TMEM266: variants seen among roughly 807,000 people sequenced by gnomAD.
The protein encoded by TMEM266 is Hv1 related protein 1.
TMEM266 carries 33 observed loss-of-function variants against 50.5 expected under a neutral mutation model. The observed-to-expected ratio is 0.65, with a 90% CI of 0.50 to 0.87. The LOEUF is 0.87. TMEM266 is among the 40% of genes least tolerant of loss of function. TMEM266 has a pLI of 0.00. For missense variants in TMEM266, 655 were observed against 695.1 expected (o/e 0.94, Z 0.65); for synonymous variants, 310 against 292.3 (o/e 1.06, Z -0.62).
intron 1 of TMEM266, among the ~76,000 whole-genome samples, chr15:76,115,083 C>A (rs957665620): frequency 1.3e-5 from 2 of 152,114 alleles, no homozygotes; most frequent in African/African-American, 2.4e-5. Context: ...CCAGCCTGGG[C>A]AACATAGTGA....
At chr15:76,169,522 A>G (rs1253587485) in intron 5 of TMEM266, among the ~76,000 whole-genome samples, 1 of 152,162 alleles carries the variant, frequency 6.6e-6, no homozygotes, top group Non-Finnish European at 1.5e-5. Flanking sequence ...TGTATTCTGT[A>G]TGTACAGGGA....
At chr15:76,177,470 G>A (rs2038304684) in intron 8 of TMEM266, among the ~76,000 whole-genome samples, 1 of 152,264 alleles carries the variant, frequency 6.6e-6, no homozygotes, top group Admixed American at 6.5e-5. Flanking sequence ...TGTCCCCACA[G>A]GAACACGCAC....
At chr15:76,089,214 A>C (rs1346176288) in intron 1 of TMEM266, among the ~76,000 whole-genome samples, 1 of 150,866 alleles carries the variant, frequency 6.6e-6, no homozygotes, top group African/African-American at 2.4e-5. Flanking sequence ...ATTTATTTAG[A>C]GATGGAGTCT....
intron 3 of TMEM266, among the ~76,000 whole-genome samples, chr15:76,142,788 C>A (rs1400627277): frequency 1.3e-5 from 2 of 152,178 alleles, no homozygotes; most frequent in Non-Finnish European, 2.9e-5. Context: ...TAGCAGAGCC[C>A]AAACGGCAGA....
At chr15:76,115,908 TGTGAGGCA>T (rs959913084) in intron 1 of TMEM266, among the ~76,000 whole-genome samples, 6 of 152,020 alleles carry the variant, frequency 3.9e-5, no homozygotes, top group African/African-American at 1.4e-4. Context: ...GAGATGTTGG[TGTGAGGCA>T]GTGACAACAG....
At chr15:76,106,494 C>T (rs2037082447) in intron 1 of TMEM266, among the ~76,000 whole-genome samples, 1 of 152,124 alleles carries the variant, frequency 6.6e-6, no homozygotes, top group African/African-American at 2.4e-5. Flanking sequence ...AGCTGGAGTG[C>T]AGTGGCGCAA....
intron 5 of TMEM266, among the ~76,000 whole-genome samples, chr15:76,169,016 G>C (rs959044348): frequency 5.3e-5 from 8 of 152,242 alleles, no homozygotes; most frequent in African/African-American, 1.9e-4. Flanking sequence ...AACACATTAA[G>C]TGGATAGGTA....
At chr15:76,171,345 A>C (rs1054258876) in intron 7 of TMEM266, among the ~76,000 whole-genome samples, 3 of 152,136 alleles carry the variant, frequency 2.0e-5, no homozygotes, top group Non-Finnish European at 4.4e-5. Context: ...TGAGCTTCCC[A>C]CTTCCCATTT....
chr15:76,156,276 C>T (rs1248769418), intron 3 of TMEM266, among the ~76,000 whole-genome samples: 1 of 152,162 alleles, frequency 6.6e-6, no homozygotes, highest in Non-Finnish European at 1.5e-5. Context: ...AGGAGAATTG[C>T]TTGAACCTGG....
rs1232794993 is a variant in TMEM266 at position 76,160,436 on chromosome 15, C to T, written c.456+268C>T. 3.3e-5 allele frequency among the ~76,000 whole-genome samples: 5 copies of T among 152,072 alleles called. No homozygotes were observed. The highest frequency in any genetic ancestry group is 6.5e-5 in the Admixed American group (1 of 15,282). ...AGGTGTTCTCCAGGTGAGGGGTGGGCGATGACTGGTGAAGGTGAGACTGAA... is the reference window on the plus strand; with the variant it reads ...AGGTGTTCTCCAGGTGAGGGGTGGGTGATGACTGGTGAAGGTGAGACTGAA... On this transcript the variant is annotated intron_variant, in intron 5 of 10. Transcript: ENST00000388942. The surrounding 1 kb of genome is among the most constrained non-coding windows in gnomAD (Gnocchi z 5.7).
intron 5 of TMEM266, among the ~76,000 whole-genome samples, chr15:76,164,061 G>A (rs1027862199): frequency 2.1e-4 from 32 of 152,056 alleles, no homozygotes; most frequent in Non-Finnish European, 2.9e-4. Flanking sequence ...CTATACGGCC[G>A]CCCTGCCAGC....
chr15:76,091,269 G>T (rs888198664), intron 1 of TMEM266, among the ~76,000 whole-genome samples: 2 of 152,094 alleles, frequency 1.3e-5, no homozygotes, highest in Non-Finnish European at 2.9e-5. Context: ...TTACTTGAGG[G>T]TGTACTCCAG....
chr15:76,117,894 G>A lies in TMEM266; in HGVS notation c.-96-16274G>A, dbSNP rs559837480. On this transcript the variant is annotated intron_variant, in intron 1 of 10. Transcript: ENST00000388942. ...ACTTACTTAGGCCAGTGATTCTCAG[G>A]TGGAAACACAGGTTCCTGATCTCCT... 7.2e-5 allele frequency among the ~76,000 whole-genome samples: 11 copies of A among 152,346 alleles called. 1 individual carries two copies. The South Asian group carries it at 2.3e-3, about 32-fold the overall frequency.
chr15:76,103,498 G>T (rs1368949635), intron 1 of TMEM266, among the ~76,000 whole-genome samples: 2 of 152,142 alleles, frequency 1.3e-5, no homozygotes, highest in Admixed American at 1.3e-4. Context: ...AACTGGAAGG[G>T]TCGAGTTATT....
chr15:76,188,086 C>A (rs2456049), intron 8 of TMEM266, among the ~76,000 whole-genome samples: 12 of 151,578 alleles, frequency 7.9e-5, no homozygotes, highest in Non-Finnish European at 1.3e-4. Context: ...GCCTTCCCCC[C>A]CCACCCCGCC....
intron 7 of TMEM266, chr15:76,175,246 G>GTA: frequency 3.8e-6 from 1 of 265,784 alleles, no homozygotes; most frequent in South Asian, 4.4e-5. Context: ...TCCAGAAGGT[G>GTA]GTCTTGTGGC....
intron 9 of TMEM266, 119 bp downstream of exon 9, chr15:76,192,276 C>T (rs1325826016): frequency 1.4e-5 from 13 of 938,596 alleles, no homozygotes; most frequent in East Asian, 3.3e-5. Context: ...GTGTGCCCCT[C>T]CTTCACTCGT....
chr15:76,191,565 C>T (rs1014749122), intron 8 of TMEM266: 1 of 158,840 alleles, frequency 6.3e-6, no homozygotes, highest in African/African-American at 2.4e-5. Context: ...CTGAGGTTTC[C>T]TGTTCTGAAA....
intron 3 of TMEM266, among the ~76,000 whole-genome samples, chr15:76,141,236 C>CT (rs34149031): frequency 0.29 from 40,398 of 137,814 alleles, 6,386 homozygotes; most frequent in South Asian, 0.47. Context: ...TCTCAGTATA[C>CT]TTTTTTTTTT....
Sources: gnomAD v4.1 joint callset for allele counts (sites outside exome capture counted in the v4.1 genomes callset) on GRCh38, gnomAD v4.1.1 for gene constraint, Gnocchi (gnomAD v3.1) non-coding constraint, MANE v1.5 for transcripts, NCBI Gene and HGNC (gene_info 2026-07-23, HGNC 2026-07-21) for gene names.